MAD1L1: variants seen among roughly 807,000 people sequenced by gnomAD.
MAD1L1 encodes the protein mitotic arrest deficient 1 like 1.
In MAD1L1, 95 loss-of-function variants were observed where a neutral mutation model predicts 96.9. The ratio of observed to expected loss-of-function variants is 0.98; its 90% CI spans 0.83 to 1.16. The LOEUF is 1.16. MAD1L1 is among the 50% of genes most tolerant of loss of function. MAD1L1 has a pLI of 0.00. For missense variants in MAD1L1, 1,007 were observed against 954.4 expected, an observed-to-expected ratio of 1.06 and a Z score of -0.73; for synonymous variants, 473 against 396.6, an observed-to-expected ratio of 1.19 and a Z score of -2.29.
chr7:1,912,709 C>A (rs1391725555), intron 17 of MAD1L1, among the ~76,000 whole-genome samples: 1 of 152,230 alleles, frequency 6.6e-6, no homozygotes, highest in Non-Finnish European at 1.5e-5. Context: ...GGGAGCCCAC[C>A]GCGCACGCAC....
At chr7:1,917,942 A>T (rs1788517212) in intron 17 of MAD1L1, among the ~76,000 whole-genome samples, 1 of 152,142 alleles carries the variant, frequency 6.6e-6, no homozygotes, top group Non-Finnish European at 1.5e-5. Flanking sequence ...GTGTTGCATC[A>T]GGCCCCACCC....
chr7:2,149,113 A>AT (rs766213865), intron 11 of MAD1L1, 39 bp downstream of exon 11: 1 of 1,595,280 alleles, frequency 6.3e-7, no homozygotes, highest in Non-Finnish European at 8.6e-7. Context: ...TCTCCAAAGC[A>AT]AACGCATCCC....
chr7:2,138,233 T>C (rs1788854102), intron 11 of MAD1L1, among the ~76,000 whole-genome samples: 1 of 152,060 alleles, frequency 6.6e-6, no homozygotes, highest in Non-Finnish European at 1.5e-5. Flanking sequence ...CAGGGGTGCA[T>C]ACAGGGTCCA....
At chr7:1,883,175 G>T (rs7791856) in intron 18 of MAD1L1, among the ~76,000 whole-genome samples, 2,276 of 150,240 alleles carry the variant, frequency 0.015, 60 homozygotes, top group African/African-American at 0.053. Flanking sequence ...ACCAAACCTC[G>T]TGTCACAAAC....
At chr7:2,158,670 G>A (rs996869751) in intron 10 of MAD1L1, among the ~76,000 whole-genome samples, 6 of 152,224 alleles carry the variant, frequency 3.9e-5, no homozygotes, top group East Asian at 1.9e-4. Context: ...GCAACAGGGC[G>A]TCATGTCAGC....
chr7:2,069,451 G>T (rs570697675), intron 11 of MAD1L1, 113 bp from the exon 12 acceptor site: 2 of 1,034,900 alleles, frequency 1.9e-6, no homozygotes, highest in Non-Finnish European at 2.7e-6. Flanking sequence ...AGAGCTGCAC[G>T]TGCAACCCCC....
intron 11 of MAD1L1, among the ~76,000 whole-genome samples, chr7:2,124,188 GGGGCAGGCCATC>G (rs1788118592): frequency 6.6e-6 from 1 of 152,356 alleles, no homozygotes; most frequent in Non-Finnish European, 1.5e-5. Flanking sequence ...CAAGGCAGGA[GGGGCAGGCCATC>G]GGGCAGCGGT....
chr7:1,882,800 G>T (rs1284862780), intron 18 of MAD1L1, among the ~76,000 whole-genome samples: 1 of 152,216 alleles, frequency 6.6e-6, no homozygotes, highest in African/African-American at 2.4e-5. Flanking sequence ...CATCACCAGG[G>T]CGGCCGTGAC....
chr7:1,909,644 C>T (rs1434425014), intron 17 of MAD1L1, among the ~76,000 whole-genome samples: 1 of 152,178 alleles, frequency 6.6e-6, no homozygotes, highest in Non-Finnish European at 1.5e-5. Flanking sequence ...GGCTGCCGGC[C>T]CCAAATCCAA....
intron 18 of MAD1L1, among the ~76,000 whole-genome samples, chr7:1,821,759 G>A (rs1368896801): frequency 1.3e-5 from 2 of 152,204 alleles, no homozygotes; most frequent in East Asian, 3.8e-4. Context: ...CTCTTGCAAA[G>A]CAGGAATCAA....
intron 15 of MAD1L1, among the ~76,000 whole-genome samples, chr7:1,974,048 C>G (rs1387831696): frequency 3.9e-5 from 6 of 152,222 alleles, no homozygotes; most frequent in African/African-American, 1.4e-4. Flanking sequence ...GCATGTCACT[C>G]TGCACATCCT....
intron 5 of MAD1L1, among the ~76,000 whole-genome samples, chr7:2,220,225 G>A (rs920447676): frequency 3.9e-5 from 6 of 152,332 alleles, no homozygotes; most frequent in East Asian, 1.9e-4. Flanking sequence ...CACGCGGCAC[G>A]GGCAGGAGCG....
intron 16 of MAD1L1, among the ~76,000 whole-genome samples, chr7:1,947,797 G>A (rs541582420): frequency 6.6e-6 from 1 of 152,362 alleles, no homozygotes; most frequent in East Asian, 1.9e-4. Flanking sequence ...CCTGACCTTG[G>A]GCAACTTACT....
At position 1,828,425 on chromosome 7, in the gene MAD1L1, G is replaced by A. The variant is rs7780129; in HGVS notation, c.1999-12197C>T. ...CTCAGTGAGAGGCTGAGAAAACCTG[G>A]AGCATTAGAGAGAAAAACCCAGAAA... On this transcript the variant is annotated intron_variant, in intron 18 of 18. Transcript: ENST00000265854. Among the ~76,000 whole-genome samples the A allele has an allele frequency of 5.5e-3, 845 of 152,272 alleles. 6 individuals are homozygous for A. Among genetic ancestry groups the A allele is most frequent in the African/African-American group, 0.02 (814 of 41,536 alleles).
At chr7:2,031,812 GCA>G (rs1235772972) in intron 12 of MAD1L1, among the ~76,000 whole-genome samples, 6 of 152,266 alleles carry the variant, frequency 3.9e-5, no homozygotes, top group African/African-American at 2.4e-5. Flanking sequence ...TATTTTGAGT[GCA>G]GTTTATTTGA....
chr7:1,973,535 G>A (rs1231968557), intron 15 of MAD1L1, among the ~76,000 whole-genome samples: 1 of 152,150 alleles, frequency 6.6e-6, no homozygotes, highest in Non-Finnish European at 1.5e-5. Context: ...TGCTCACGAG[G>A]GCCGCAGACA....
chr7:2,190,629 A>C (rs546464511), intron 10 of MAD1L1, among the ~76,000 whole-genome samples: 1 of 152,328 alleles, frequency 6.6e-6, no homozygotes, highest in East Asian at 1.9e-4. Context: ...CCAATTAAAA[A>C]ATGGGGAAAA....
rs150184082 is a variant in MAD1L1 at position 1,855,542 on chromosome 7, G to GGCCCA, written c.1999-39319_1999-39315dup. On this transcript the variant is annotated intron_variant, in intron 18 of 18. Coordinates refer to ENST00000265854, the MANE Select transcript of MAD1L1 (RefSeq NM_001013836.2). ...CTCACTTTCCAGAAAACACGGCCCGGGCCCAGCCCAGCCCAGCCCAGCTCC... is the reference window on the plus strand; with the variant it reads ...CTCACTTTCCAGAAAACACGGCCCGGGCCCAGCCCAGCCCAGCCCAGCCCAGCTCC... 5.8e-4 allele frequency among the ~76,000 whole-genome samples: 88 copies of GGCCCA among 151,994 alleles called. 1 individual carries two copies. Among genetic ancestry groups the GGCCCA allele is most frequent in the Admixed American group, 2.9e-3 (44 of 15,274 alleles).
chr7:2,045,090 A>C (rs1783862574), intron 12 of MAD1L1, among the ~76,000 whole-genome samples: 1 of 152,186 alleles, frequency 6.6e-6, no homozygotes, highest in East Asian at 1.9e-4. Flanking sequence ...CCCAGGGTGA[A>C]GCCATTCAGC....
Sources: gnomAD v4.1 joint callset for allele counts (sites outside exome capture counted in the v4.1 genomes callset) on GRCh38, gnomAD v4.1.1 for gene constraint, MANE v1.5 for transcripts, NCBI Gene and HGNC (gene_info 2026-07-23, HGNC 2026-07-21) for gene names.